The following FGD6 variants were observed in gnomAD, a reference collection of about 807,000 sequenced individuals.
The protein encoded by FGD6 is FYVE, RhoGEF and PH domain-containing protein 6.
FGD6 carries 90 observed loss-of-function variants against 149.4 expected under a neutral mutation model. The ratio of observed to expected loss-of-function variants is 0.60; its 90% CI spans 0.51 to 0.72. The LOEUF (loss-of-function observed/expected upper bound fraction) is 0.72, where lower values mean the gene tolerates loss of function less well. Among genes scored for constraint, FGD6 ranks in the 30% least tolerant of loss-of-function variants. The probability of loss-of-function intolerance (pLI) is 0.00; values close to 1 mark genes in which losing one functional copy is unlikely to be tolerated. For missense variants in FGD6, 1,437 were observed against 1,684.8 expected (o/e 0.85, Z 2.57); for synonymous variants, 527 against 584.0 (o/e 0.90, Z 1.41).
intron 8 of FGD6, among the ~76,000 whole-genome samples, chr12:95,119,340 T>A (rs940544244): frequency 3.7e-4 from 56 of 152,182 alleles, no homozygotes; most frequent in African/African-American, 1.3e-3. Context: ...AATTAAATAA[T>A]GAGGAAAACT....
At chr12:95,156,680 T>C (rs1279613901) in intron 3 of FGD6, among the ~76,000 whole-genome samples, 2 of 152,108 alleles carry the variant, frequency 1.3e-5, no homozygotes, top group African/African-American at 4.8e-5. Context: ...CCCACCCCTG[T>C]AGAAATCACT....
chr12:95,123,980 T>C (rs556737472), intron 8 of FGD6, among the ~76,000 whole-genome samples: 7 of 151,724 alleles, frequency 4.6e-5, no homozygotes, highest in African/African-American at 1.7e-4. Flanking sequence ...TATAGCTCAC[T>C]GCAGCCTCCA....
chr12:95,160,400 A>C (rs1391777725), intron 3 of FGD6, among the ~76,000 whole-genome samples: 1 of 152,200 alleles, frequency 6.6e-6, no homozygotes, highest in Non-Finnish European at 1.5e-5. Context: ...GAGGATGTGG[A>C]CCAACTGGAA....
At chr12:95,214,781 A>G (rs2056745152) in intron 1 of FGD6, among the ~76,000 whole-genome samples, 1 of 152,192 alleles carries the variant, frequency 6.6e-6, no homozygotes, top group East Asian at 1.9e-4. Context: ...AAGCACAGAC[A>G]ATGAAGACAG....
chr12:95,187,402 G>A (rs972040488), intron 2 of FGD6, among the ~76,000 whole-genome samples: 4 of 148,970 alleles, frequency 2.7e-5, no homozygotes, highest in South Asian at 2.1e-4. Context: ...ACTTTGGGAG[G>A]CCGAGGCGGG....
intron 2 of FGD6, among the ~76,000 whole-genome samples, chr12:95,192,937 A>C (rs1257940455): frequency 1.3e-5 from 2 of 152,232 alleles, no homozygotes; most frequent in Non-Finnish European, 2.9e-5. Flanking sequence ...AGACTGCCAT[A>C]ATGTGATATT....
intron 3 of FGD6, among the ~76,000 whole-genome samples, chr12:95,157,047 C>T (rs1018193784): frequency 6.6e-6 from 1 of 152,128 alleles, no homozygotes; most frequent in African/African-American, 2.4e-5. Flanking sequence ...AATACCCACA[C>T]ATCCACTCTC....
chr12:95,142,597 G>A (rs1372075020), intron 5 of FGD6, among the ~76,000 whole-genome samples: 4 of 152,174 alleles, frequency 2.6e-5, no homozygotes, highest in Non-Finnish European at 5.9e-5. Flanking sequence ...TTGATAATCA[G>A]AATCCTGGAT....
chr12:95,211,015 G>A lies in FGD6; in HGVS notation c.269C>T (p.Thr90Ile). 1 of 1,614,122 alleles carries A rather than the reference G, an allele frequency of 6.2e-7. No individual in the cohort carries two copies. The highest frequency in any genetic ancestry group is 8.5e-7 in the Non-Finnish European group (1 of 1,180,034). Residue 90 changes from threonine (T) to isoleucine (I), a missense_variant, in exon 2 of 21, where the codon ACT (threonine) becomes ATT (isoleucine). Coordinates refer to ENST00000343958, the MANE Select transcript of FGD6 (RefSeq NM_018351.4). Reference protein sequence around the residue: ...EGHKQELAESTDNFNCKYEGN... With the variant: ...EGHKQELAESIDNFNCKYEGN... Reference sequence around the variant, plus strand: ...TTCATATTTACAATTAAAGTTGTCAGTGCTTTCAGCTAATTCCTGTTTATG... The same window carrying A: ...TTCATATTTACAATTAAAGTTGTCAATGCTTTCAGCTAATTCCTGTTTATG...
intron 8 of FGD6, among the ~76,000 whole-genome samples, chr12:95,123,727 A>G (rs934284768): frequency 5.3e-5 from 8 of 151,640 alleles, no homozygotes; most frequent in Non-Finnish European, 1.2e-4. Flanking sequence ...ACACCCAGCT[A>G]ATTTTTTTGT....
At chr12:95,154,364 A>T (rs182285619) in intron 3 of FGD6, among the ~76,000 whole-genome samples, 20 of 152,314 alleles carry the variant, frequency 1.3e-4, no homozygotes, top group Admixed American at 8.5e-4. Flanking sequence ...ATGACTCAAA[A>T]AGAGGTCTCA....
At chr12:95,127,633 A>T (rs1879385989) in intron 8 of FGD6, among the ~76,000 whole-genome samples, 2 of 152,230 alleles carry the variant, frequency 1.3e-5, no homozygotes, top group Admixed American at 1.3e-4. Context: ...TAGCTTCAGA[A>T]CACTATAACA....
chr12:95,123,239 T>C (rs1879243822), intron 8 of FGD6, among the ~76,000 whole-genome samples: 3 of 151,980 alleles, frequency 2.0e-5, no homozygotes, highest in Non-Finnish European at 4.4e-5. Context: ...CTATTAAAAA[T>C]ACAAAAATTA....
At chr12:95,161,206 C>T (rs1358079476) in intron 3 of FGD6, among the ~76,000 whole-genome samples, 1 of 151,634 alleles carries the variant, frequency 6.6e-6, no homozygotes, top group African/African-American at 2.4e-5. Context: ...ACAAAAACAC[C>T]CACTTGTGGC....
At chr12:95,149,330 A>AATATATAATATATAGC (rs1555220323) in intron 5 of FGD6, among the ~76,000 whole-genome samples, 3 of 90,556 alleles carry the variant, frequency 3.3e-5, no homozygotes, top group Non-Finnish European at 4.0e-5. Flanking sequence ...TATATTATAT[A>AATATATAATATATAGC]ATATATTATA....
At chr12:95,180,714 A>G (rs1375893934) in intron 2 of FGD6, among the ~76,000 whole-genome samples, 1 of 152,056 alleles carries the variant, frequency 6.6e-6, no homozygotes. Context: ...TTTGCCCTTC[A>G]GTACATTTTT....
intron 2 of FGD6, among the ~76,000 whole-genome samples, chr12:95,173,098 C>T (rs1170659706): frequency 6.6e-6 from 1 of 152,116 alleles, no homozygotes; most frequent in Non-Finnish European, 1.5e-5. Context: ...AAAAGGCTGC[C>T]AGGTATACCA....
intron 2 of FGD6, among the ~76,000 whole-genome samples, chr12:95,201,184 T>A (rs947019899): frequency 3.9e-5 from 6 of 152,252 alleles, no homozygotes; most frequent in Admixed American, 3.3e-4. Context: ...GAAATATGAA[T>A]ACTCATTCCC....
At chr12:95,110,702 A>G (rs1165934465) in intron 9 of FGD6, among the ~76,000 whole-genome samples, 1 of 152,114 alleles carries the variant, frequency 6.6e-6, no homozygotes, top group African/African-American at 2.4e-5. Flanking sequence ...CAGCAGGTTC[A>G]AGAGGTTACC....
Sources: gnomAD v4.1 joint callset for allele counts (sites outside exome capture counted in the v4.1 genomes callset) on GRCh38, gnomAD v4.1.1 for gene constraint, MANE v1.5 for transcripts, NCBI Gene and HGNC (gene_info 2026-07-23, HGNC 2026-07-21) for gene names.